IQCJ: variants seen among roughly 807,000 people sequenced by gnomAD.
IQCJ encodes IQ domain-containing protein J.
Under a neutral mutation model 11.0 loss-of-function variants are expected in IQCJ, and 9 were observed. That is an observed-to-expected ratio of 0.82 (90% CI 0.49 to 1.43). The LOEUF (loss-of-function observed/expected upper bound fraction) is 1.43, where lower values mean the gene tolerates loss of function less well. Among genes scored for constraint, IQCJ ranks in the 40% most tolerant of loss-of-function variants. IQCJ has a pLI of 0.00. For missense variants in IQCJ, 146 were observed against 133.2 expected, an observed-to-expected ratio of 1.10 and a Z score of -0.47; for synonymous variants, 55 against 51.3, an observed-to-expected ratio of 1.07 and a Z score of -0.31.
chr3:159,158,671 A>G (rs1721668228), intron 1 of IQCJ, among the ~76,000 whole-genome samples: 1 of 152,196 alleles, frequency 6.6e-6, no homozygotes, highest in Non-Finnish European at 1.5e-5. Flanking sequence ...GAAATGAAAC[A>G]TTTTCTTCAA....
intron 1 of IQCJ, among the ~76,000 whole-genome samples, chr3:159,083,173 C>G (rs1716447854): frequency 6.6e-6 from 1 of 152,076 alleles, no homozygotes; most frequent in Non-Finnish European, 1.5e-5. Context: ...AAGAAAAAGA[C>G]AAGCTATAGC....
At chr3:159,088,904 AT>A (rs1452312839) in intron 1 of IQCJ, among the ~76,000 whole-genome samples, 1 of 152,088 alleles carries the variant, frequency 6.6e-6, no homozygotes, top group African/African-American at 2.4e-5. Flanking sequence ...TAATTGGAGC[AT>A]TTAGTCCACT....
intron 1 of IQCJ, among the ~76,000 whole-genome samples, chr3:159,134,520 A>C (rs1315256136): frequency 6.6e-6 from 1 of 152,208 alleles, no homozygotes; most frequent in Non-Finnish European, 1.5e-5. Flanking sequence ...GAACAAACCC[A>C]AGAGTGACCA....
chr3:159,245,781 G>A lies in IQCJ; in HGVS notation c.10-62G>A, dbSNP rs180719536. On this transcript the variant is annotated intron_variant, in intron 1 of 3. Transcript: ENST00000397832. The stretch of plus-strand genomic sequence containing the variant: ...ATCAATTTTGCTAACAGTTATGCTT[G>A]AATAGCATTGCTCGGAAGTAGCTGG... 7.6e-4 allele frequency: 1,051 copies of A among 1,387,006 alleles called. 6 individuals carry two copies. In the African/African-American group the frequency reaches 0.012, roughly 16 times the overall value. The allele number at this position is 1,387,006 out of a possible 1,614,324, so 85.9% of individuals were successfully genotyped here. A position where few individuals can be genotyped will look rare whatever the true frequency, so the allele number is the denominator to read the frequency against.
At position 159,071,063 on chromosome 3, in the gene IQCJ, G is replaced by C. The variant is rs1437233631; in HGVS notation, c.9+1622G>C. On this transcript the variant is annotated intron_variant, in intron 1 of 3. Coordinates refer to ENST00000397832, the MANE Select transcript of IQCJ (RefSeq NM_001042706.3). ...GAATATTATTAAGGTCAGTGTGAAA[G>C]CTACTCTTACTTTTTAGCATCCAAG... Among the ~76,000 whole-genome samples the C allele has an allele frequency of 2.0e-5, 3 of 152,028 alleles. No homozygotes were observed. In the East Asian group the frequency reaches 5.8e-4, roughly 29 times the overall value.
intron 1 of IQCJ, among the ~76,000 whole-genome samples, chr3:159,195,446 G>T (rs1348090260): frequency 6.6e-6 from 1 of 152,210 alleles, no homozygotes. Flanking sequence ...CAATGGAGGA[G>T]TGGTAGCCTT....
chr3:159,254,953 C>T (rs1333531612), intron 3 of IQCJ, among the ~76,000 whole-genome samples: 1 of 152,232 alleles, frequency 6.6e-6, no homozygotes, highest in Non-Finnish European at 1.5e-5. Flanking sequence ...GCCCCTTGCT[C>T]TGCGGGGGCT....
intron 1 of IQCJ, among the ~76,000 whole-genome samples, chr3:159,107,582 G>A (rs1006944075): frequency 5.3e-5 from 8 of 152,146 alleles, no homozygotes; most frequent in African/African-American, 1.7e-4. Context: ...ATTCATTTAA[G>A]AACGGTGTGG....
chr3:159,169,421 G>A (rs1300605813), intron 1 of IQCJ, among the ~76,000 whole-genome samples: 2 of 151,252 alleles, frequency 1.3e-5, no homozygotes, highest in Non-Finnish European at 2.9e-5. Context: ...GAGTAGCTGG[G>A]ATTACAGGCA....
chr3:159,196,286 A>G (rs906536238), intron 1 of IQCJ, among the ~76,000 whole-genome samples: 1 of 152,234 alleles, frequency 6.6e-6, no homozygotes, highest in Non-Finnish European at 1.5e-5. Flanking sequence ...TTATAAAAAA[A>G]GGACTTTGTT....
chr3:159,087,493 G>T (rs1031446647), intron 1 of IQCJ, among the ~76,000 whole-genome samples: 3 of 151,888 alleles, frequency 2.0e-5, no homozygotes, highest in Non-Finnish European at 4.4e-5. Context: ...AGAAGGAATG[G>T]TACCAAGTCC....
At chr3:159,179,625 ATG>A (rs1315878049) in intron 1 of IQCJ, among the ~76,000 whole-genome samples, 5 of 152,208 alleles carry the variant, frequency 3.3e-5, no homozygotes, top group Non-Finnish European at 7.3e-5. Flanking sequence ...GGGAAAAATT[ATG>A]TGAGACATTA....
intron 1 of IQCJ, among the ~76,000 whole-genome samples, chr3:159,071,685 G>C (rs1223875619): frequency 1.3e-5 from 2 of 152,008 alleles, no homozygotes; most frequent in East Asian, 3.9e-4. Flanking sequence ...AAAACATTCA[G>C]TGCCATTTTG....
intron 1 of IQCJ, among the ~76,000 whole-genome samples, chr3:159,241,021 A>G (rs1036456271): frequency 6.6e-6 from 1 of 152,220 alleles, no homozygotes; most frequent in Admixed American, 6.5e-5. Context: ...GTCCTAGGTT[A>G]TGGCTCACAT....
chr3:159,169,294 T>C (rs900533707), intron 1 of IQCJ, among the ~76,000 whole-genome samples: 1 of 145,382 alleles, frequency 6.9e-6, no homozygotes, highest in African/African-American at 2.5e-5. Flanking sequence ...TTTTTTTTTT[T>C]TTTTTTTTGA....
chr3:159,165,022 A>T (rs1722085309), intron 1 of IQCJ, among the ~76,000 whole-genome samples: 1 of 152,278 alleles, frequency 6.6e-6, no homozygotes, highest in African/African-American at 2.4e-5. Flanking sequence ...TTTACATCTT[A>T]TTCACCAAAA....
At chr3:159,183,290 A>G (rs911759040) in intron 1 of IQCJ, among the ~76,000 whole-genome samples, 1 of 152,168 alleles carries the variant, frequency 6.6e-6, no homozygotes, top group African/African-American at 2.4e-5. Context: ...AATTATGATG[A>G]GTATTTGCAC....
At chr3:159,101,287 G>A (rs1033208365) in intron 1 of IQCJ, among the ~76,000 whole-genome samples, 8 of 151,236 alleles carry the variant, frequency 5.3e-5, no homozygotes, top group Non-Finnish European at 1.2e-4. Flanking sequence ...CTAGTGAGAT[G>A]AACCCGGTAC....
intron 1 of IQCJ, among the ~76,000 whole-genome samples, chr3:159,157,153 G>T (rs1427649628): frequency 3.9e-5 from 6 of 152,134 alleles, no homozygotes; most frequent in Admixed American, 3.9e-4. Flanking sequence ...TTGTGGAGAG[G>T]AGGAGGAGAC....
Sources: allele counts gnomAD v4.1 joint callset (sites outside exome capture counted in the v4.1 genomes callset), GRCh38; gene constraint gnomAD v4.1.1; transcripts MANE v1.5; gene names NCBI Gene and HGNC (gene_info 2026-07-23, HGNC 2026-07-21).